The following THNSL1 variants were observed in gnomAD, a reference collection of about 807,000 sequenced individuals.
THNSL1 encodes threonine synthase-like 1.
A neutral mutation model predicts 50.4 loss-of-function variants in THNSL1; 48 were observed. The ratio of observed to expected loss-of-function variants is 0.95; its 90% confidence interval spans 0.76 to 1.21. THNSL1 has a LOEUF of 1.21. THNSL1 is among the 50% of genes most tolerant of loss of function. The probability of loss-of-function intolerance (pLI) is 0.00; values close to 1 mark genes in which losing one functional copy is unlikely to be tolerated. For missense variants in THNSL1, 896 were observed against 871.7 expected, an observed-to-expected ratio of 1.03 and a Z score of -0.35; for synonymous variants, 309 against 306.1, an observed-to-expected ratio of 1.01 and a Z score of -0.10.
the THNSL1 span, among the ~76,000 whole-genome samples, chr10:24,993,774 A>G: frequency 6.6e-6 from 1 of 152,208 alleles, no homozygotes; most frequent in Non-Finnish European, 1.5e-5. Context: ...TGTTTCCATG[A>G]TGGATACTCC....
chr10:24,960,274 T>A, the THNSL1 span, among the ~76,000 whole-genome samples: 1 of 152,120 alleles, frequency 6.6e-6, no homozygotes, highest in Non-Finnish European at 1.5e-5. Context: ...GTATTAAAAG[T>A]CATACAAAGG....
At chr10:25,019,638 C>G (rs1372726545) in intron 1 of THNSL1, among the ~76,000 whole-genome samples, 1 of 152,188 alleles carries the variant, frequency 6.6e-6, no homozygotes, top group Non-Finnish European at 1.5e-5. Context: ...TATGCAAATA[C>G]TACACCATTT....
At chr10:25,021,261 A>G (rs1295794237) in intron 1 of THNSL1, among the ~76,000 whole-genome samples, 1 of 152,220 alleles carries the variant, frequency 6.6e-6, no homozygotes, top group Non-Finnish European at 1.5e-5. Flanking sequence ...ATAGACACTT[A>G]TATAGCTAAG....
chr10:24,955,682 C>T, the THNSL1 span, among the ~76,000 whole-genome samples: 2 of 152,186 alleles, frequency 1.3e-5, no homozygotes, highest in Non-Finnish European at 2.9e-5. Context: ...CCATGGCTCA[C>T]ACCTGTAATA....
the THNSL1 span, chr10:24,952,419 G>A: frequency 1.6e-6 from 2 of 1,274,334 alleles, no homozygotes; most frequent in Admixed American, 4.0e-5. This position sits in a 1 kb window ranked among gnomAD's most constrained non-coding sequence, Gnocchi z 5.1. Flanking sequence ...GGAGAACAAA[G>A]CGGTGGCCCT....
chr10:24,987,594 T>G, the THNSL1 span, among the ~76,000 whole-genome samples: 1 of 152,092 alleles, frequency 6.6e-6, no homozygotes, highest in African/African-American at 2.4e-5. Context: ...CTCAAATAAA[T>G]ACATAAAATA....
the THNSL1 span, among the ~76,000 whole-genome samples, chr10:24,978,087 T>G: frequency 0.018 from 2,793 of 152,316 alleles, 95 homozygotes; most frequent in African/African-American, 0.064. Context: ...TGTGCAGTTT[T>G]AAAAATTAGT....
the THNSL1 span, among the ~76,000 whole-genome samples, chr10:24,968,700 A>G: frequency 6.6e-6 from 1 of 152,180 alleles, no homozygotes; most frequent in Non-Finnish European, 1.5e-5. Context: ...TGATGGTGGG[A>G]TTTCAGACAC....
At chr10:24,984,226 T>C in the THNSL1 span, 16 of 867,688 alleles carry the variant, frequency 1.8e-5, no homozygotes, top group Non-Finnish European at 2.8e-5. Flanking sequence ...TAACTGCAAA[T>C]GTCATGGGCC....
the THNSL1 span, among the ~76,000 whole-genome samples, chr10:24,980,647 GC>G: frequency 1.3e-5 from 2 of 152,100 alleles, no homozygotes; most frequent in Non-Finnish European, 2.9e-5. Flanking sequence ...CAGCTGACAG[GC>G]TTTTGATAAA....
chr10:25,010,594 C>T, the THNSL1 span, among the ~76,000 whole-genome samples: 9 of 151,452 alleles, frequency 5.9e-5, no homozygotes, highest in South Asian at 2.1e-4. Flanking sequence ...TCCCTCCCCC[C>T]TACCCCCACC....
the THNSL1 span, among the ~76,000 whole-genome samples, chr10:24,967,660 G>A: frequency 6.6e-6 from 1 of 151,720 alleles, no homozygotes; most frequent in Non-Finnish European, 1.5e-5. Flanking sequence ...GTGTGTACAT[G>A]TGTGTATGAT....
intron 2 of THNSL1, among the ~76,000 whole-genome samples, chr10:25,022,330 G>A (rs1850738010): frequency 6.6e-6 from 1 of 152,116 alleles, no homozygotes; most frequent in African/African-American, 2.4e-5. Context: ...TGTGGCCCTG[G>A]GGTCTGGAAA....
At chr10:24,974,380 G>A in the THNSL1 span, among the ~76,000 whole-genome samples, 8 of 152,082 alleles carry the variant, frequency 5.3e-5, no homozygotes, top group Middle Eastern at 3.4e-3. Flanking sequence ...AATATCAGTC[G>A]GGAATAATAA....
At chr10:24,979,246 C>A in the THNSL1 span, among the ~76,000 whole-genome samples, 1 of 152,268 alleles carries the variant, frequency 6.6e-6, no homozygotes, top group East Asian at 1.9e-4. Context: ...TTACTGTGGA[C>A]TGTGTTAATA....
the THNSL1 span, among the ~76,000 whole-genome samples, chr10:24,964,002 G>A: frequency 3.9e-5 from 6 of 152,078 alleles, no homozygotes; most frequent in Non-Finnish European, 7.4e-5. Context: ...TAAAGATCAG[G>A]GTTTCCCAAT....
chr10:24,960,837 G>A, the THNSL1 span, among the ~76,000 whole-genome samples: 5 of 152,026 alleles, frequency 3.3e-5, no homozygotes, highest in South Asian at 2.1e-4. Flanking sequence ...CCATCCTCCC[G>A]CCTTGGCCTC....
At chr10:24,952,635 G>C in the THNSL1 span, 1 of 1,426,202 alleles carries the variant, frequency 7.0e-7, no homozygotes, top group African/African-American at 1.4e-5. This position sits in a 1 kb window ranked among gnomAD's most constrained non-coding sequence, Gnocchi z 5.1. Flanking sequence ...GAGGGCGAAG[G>C]CTGCGTGGGG....
At chr10:24,966,102 A>G in the THNSL1 span, among the ~76,000 whole-genome samples, 5 of 152,268 alleles carry the variant, frequency 3.3e-5, no homozygotes, top group Non-Finnish European at 7.3e-5. Flanking sequence ...TTTGCCAAGA[A>G]CACATCCAGA....
Sources: allele counts gnomAD v4.1 joint callset (sites outside exome capture counted in the v4.1 genomes callset), GRCh38; gene constraint gnomAD v4.1.1; non-coding constraint Gnocchi (gnomAD v3.1); transcripts MANE v1.5; gene names NCBI Gene and HGNC (gene_info 2026-07-23, HGNC 2026-07-21).